Variants in LYRM4 observed in about 807,000 individuals in gnomAD.
LYRM4 encodes the protein LYR motif containing 4.
LYRM4 carries 9 observed loss-of-function variants against 11.7 expected under a neutral mutation model. The ratio of observed to expected loss-of-function variants is 0.77; its 90% CI spans 0.46 to 1.34. LYRM4 has a LOEUF of 1.34. Among genes scored for constraint, LYRM4 ranks in the 40% most tolerant of loss-of-function variants. LYRM4 has a pLI of 0.00. For synonymous variants in LYRM4, 42 were observed against 40.4 expected (o/e 1.04, Z -0.15); for missense variants, 133 against 112.5 (o/e 1.18, Z -0.82).
chr6:5,124,675 CAG>C (rs1450070131), intron 2 of LYRM4, among the ~76,000 whole-genome samples: 1 of 152,212 alleles, frequency 6.6e-6, no homozygotes, highest in Non-Finnish European at 1.5e-5. Flanking sequence ...TTCATCCTGA[CAG>C]GGGCGGGCCC....
the LYRM4 span, among the ~76,000 whole-genome samples, chr6:5,046,662 AG>A: frequency 6.6e-6 from 1 of 152,162 alleles, no homozygotes. Flanking sequence ...ATTTTAAAGT[AG>A]TTGAACTTAG....
downstream of LYRM4, chr6:5,104,672 T>G (rs1762607586): frequency 6.6e-6 from 1 of 151,994 alleles, no homozygotes; most frequent in Non-Finnish European, 1.5e-5. Context: ...ATTCATCGAG[T>G]CTGGGCTTTC....
At chr6:5,220,637 T>C (rs1228268731) in intron 1 of LYRM4, among the ~76,000 whole-genome samples, 3 of 152,008 alleles carry the variant, frequency 2.0e-5, no homozygotes, top group Admixed American at 6.6e-5. Context: ...CAGAGGAGGG[T>C]GCTGGTGTAT....
At chr6:5,104,216 A>ATT (rs1444400340), downstream of LYRM4, 5 of 152,164 alleles carry the variant, frequency 3.3e-5, no homozygotes, top group Admixed American at 2.6e-4. Context: ...GCAGGAAGTT[A>ATT]TTTGCTCTAC....
At chr6:5,167,317 C>G (rs544387948) in intron 2 of LYRM4, among the ~76,000 whole-genome samples, 21 of 152,222 alleles carry the variant, frequency 1.4e-4, no homozygotes, top group Admixed American at 1.2e-3. Context: ...AGATAATCAC[C>G]ATTAATAGTC....
At chr6:5,218,909 T>C (rs1311976237) in intron 1 of LYRM4, among the ~76,000 whole-genome samples, 1 of 152,244 alleles carries the variant, frequency 6.6e-6, no homozygotes, top group Non-Finnish European at 1.5e-5. Context: ...ATCACTGTTC[T>C]TCTTGACAAC....
intron 1 of LYRM4, among the ~76,000 whole-genome samples, chr6:5,245,462 T>C (rs1764154909): frequency 6.6e-6 from 1 of 152,072 alleles, no homozygotes; most frequent in South Asian, 2.1e-4. Context: ...CTTACACCCA[T>C]GGAGGATGGC....
chr6:5,129,899 C>A (rs1173961231), intron 2 of LYRM4, among the ~76,000 whole-genome samples: 1 of 152,204 alleles, frequency 6.6e-6, no homozygotes, highest in South Asian at 2.1e-4. Context: ...CAGAGAGATT[C>A]GTGCTGAGGT....
the LYRM4 span, among the ~76,000 whole-genome samples, chr6:5,040,546 A>G: frequency 6.6e-6 from 1 of 151,634 alleles, no homozygotes; most frequent in Admixed American, 6.6e-5. Context: ...TAAAAGAAAA[A>G]AAAAAGAAGA....
chr6:5,081,950 G>A, the LYRM4 span, among the ~76,000 whole-genome samples: 2 of 152,150 alleles, frequency 1.3e-5, no homozygotes, highest in African/African-American at 4.8e-5. Flanking sequence ...TTCTGGGTGG[G>A]GAGCATGTGG....
At chr6:5,246,045 A>T (rs1041582103) in intron 1 of LYRM4, among the ~76,000 whole-genome samples, 1 of 152,166 alleles carries the variant, frequency 6.6e-6, no homozygotes, top group Non-Finnish European at 1.5e-5. Flanking sequence ...TTAAAAAATT[A>T]AAAAAAGGGA....
the LYRM4 span, among the ~76,000 whole-genome samples, chr6:5,075,653 G>A: frequency 6.6e-6 from 1 of 152,228 alleles, no homozygotes; most frequent in Non-Finnish European, 1.5e-5. Flanking sequence ...GGTGGCTAAT[G>A]AGAGGACAGA....
intron 1 of LYRM4, among the ~76,000 whole-genome samples, chr6:5,242,383 TA>T (rs66473152): frequency 0.29 from 43,238 of 151,042 alleles, 7,784 homozygotes; most frequent in African/African-American, 0.51. Flanking sequence ...CTTATACTTT[TA>T]AATTAAGAGT....
intron 2 of LYRM4, among the ~76,000 whole-genome samples, chr6:5,148,950 A>C (rs1300567437): frequency 6.6e-6 from 1 of 152,218 alleles, no homozygotes; most frequent in East Asian, 1.9e-4. Flanking sequence ...AGCTCCTTTA[A>C]TAAAATTTCA....
chr6:5,258,977 A>G (rs573752372), intron 1 of LYRM4, among the ~76,000 whole-genome samples: 2 of 152,348 alleles, frequency 1.3e-5, no homozygotes, highest in Admixed American at 1.3e-4. Context: ...CTCATAAATC[A>G]TTTCCAAAGA....
chr6:5,208,627 GA>G (rs1414434578), intron 2 of LYRM4, among the ~76,000 whole-genome samples: 2 of 152,172 alleles, frequency 1.3e-5, no homozygotes, highest in African/African-American at 4.8e-5. Context: ...ATCATCCTCG[GA>G]GGAATCAAGC....
the LYRM4 span, among the ~76,000 whole-genome samples, chr6:5,091,641 T>C: frequency 6.6e-6 from 1 of 152,216 alleles, no homozygotes; most frequent in Non-Finnish European, 1.5e-5. Context: ...ATGAAGATGT[T>C]TGAGATGGCA....
the LYRM4 span, among the ~76,000 whole-genome samples, chr6:5,050,471 G>A: frequency 1.3e-5 from 2 of 152,156 alleles, no homozygotes; most frequent in African/African-American, 4.8e-5. Flanking sequence ...TCATCTCTTT[G>A]GCTGAAGCAA....
chr6:5,158,942 G>A (rs1758580727), intron 2 of LYRM4, among the ~76,000 whole-genome samples: 1 of 145,564 alleles, frequency 6.9e-6, no homozygotes, highest in Non-Finnish European at 1.5e-5. Flanking sequence ...GGACTGAAAT[G>A]TGGGTGAGAA....
Sources: allele counts gnomAD v4.1 joint callset (sites outside exome capture counted in the v4.1 genomes callset), GRCh38; gene constraint gnomAD v4.1.1; transcripts MANE v1.5; gene names NCBI Gene and HGNC (gene_info 2026-07-23, HGNC 2026-07-21).